Variants in ABCB11 observed in about 807,000 individuals in gnomAD.
ABCB11 encodes ATP binding cassette subfamily B member 11, also known as bile salt export pump.
A neutral mutation model predicts 148.0 loss-of-function variants in ABCB11; 95 were observed. The observed-to-expected ratio is 0.64, with a 90% CI of 0.54 to 0.76. The LOEUF is 0.76. ABCB11 is among the 30% of genes least tolerant of loss of function. The probability of loss-of-function intolerance (pLI) is 0.00; values close to 1 mark genes in which losing one functional copy is unlikely to be tolerated. For missense variants in ABCB11, 1,523 were observed against 1,617.8 expected, an observed-to-expected ratio of 0.94 and a Z score of 1.01; for synonymous variants, 591 against 555.4, an observed-to-expected ratio of 1.06 and a Z score of -0.90.
At chr2:168,946,362 C>CT (rs971538492) in intron 19 of ABCB11, among the ~76,000 whole-genome samples, 16 of 151,550 alleles carry the variant, frequency 1.1e-4, no homozygotes, top group South Asian at 6.2e-4. Context: ...TTAACAAATC[C>CT]TTTTTTTTGT....
At chr2:168,977,549 A>G (rs1250381042) in intron 11 of ABCB11, among the ~76,000 whole-genome samples, 1 of 152,208 alleles carries the variant, frequency 6.6e-6, no homozygotes, top group Non-Finnish European at 1.5e-5. Flanking sequence ...AGAACACTCC[A>G]GCATCATCTT....
intron 11 of ABCB11, among the ~76,000 whole-genome samples, chr2:168,978,342 C>T (rs896920716): frequency 1.3e-5 from 2 of 151,730 alleles, no homozygotes; most frequent in Non-Finnish European, 2.9e-5. Flanking sequence ...GACAGGGTTG[C>T]CCAGGCTTGT....
chr2:168,928,507 G>A (rs1691421445), intron 25 of ABCB11, among the ~76,000 whole-genome samples: 1 of 152,136 alleles, frequency 6.6e-6, no homozygotes, highest in Non-Finnish European at 1.5e-5. Flanking sequence ...TGCTTAAAAT[G>A]TTTGTAGAAA....
At chr2:168,984,491 G>A (rs1427994878) in intron 10 of ABCB11, among the ~76,000 whole-genome samples, 2 of 152,172 alleles carry the variant, frequency 1.3e-5, no homozygotes, top group Admixed American at 6.6e-5. Context: ...TTTAGCACAA[G>A]TGAGCAATAA....
At chr2:169,002,719 A>G (rs1473223277) in intron 5 of ABCB11, among the ~76,000 whole-genome samples, 1 of 152,164 alleles carries the variant, frequency 6.6e-6, no homozygotes, top group Non-Finnish European at 1.5e-5. Flanking sequence ...TAAATGTGAC[A>G]TCTAAAAAAT....
chr2:168,979,891 G>C lies in ABCB11; in HGVS notation c.1172C>G (p.Thr391Ser). The C allele has an allele frequency of 2.5e-6, 4 of 1,610,282 alleles. No individual in the cohort carries two copies. The highest frequency in any genetic ancestry group is 3.4e-6 in the Non-Finnish European group (4 of 1,177,548). The stretch of plus-strand genomic sequence containing the variant: ...CCTGTCTATTGTCTCAAAAATGCTG[G>C]TGGCTGCTGCACGTCCAGTTGCAAA... ...EAFATGRAAA[T>S]SIFETIDRKP... Residue 391 changes from threonine to serine, a missense_variant, in exon 11 of 28, where the codon ACC (threonine) becomes AGC (serine). Transcript: ENST00000650372.
At chr2:168,944,573 A>G in intron 21 of ABCB11, 32 bp downstream of exon 21, 2 of 1,557,312 alleles carry the variant, frequency 1.3e-6, no homozygotes, top group African/African-American at 2.7e-5. Flanking sequence ...CAATGCAGTT[A>G]ATATACTTCT....
At chr2:169,003,379 C>A (rs759608539) in intron 5 of ABCB11, among the ~76,000 whole-genome samples, 1 of 147,160 alleles carries the variant, frequency 6.8e-6, no homozygotes, top group Non-Finnish European at 1.5e-5. Flanking sequence ...CACACAAAAA[C>A]ATATTAAAAT....
chr2:169,011,370 T>C (rs1695182751), intron 5 of ABCB11, among the ~76,000 whole-genome samples: 1 of 152,198 alleles, frequency 6.6e-6, no homozygotes, highest in Admixed American at 6.5e-5. Context: ...AGCAGTTCAC[T>C]TCTGTCCTCC....
chr2:168,964,930 C>G (rs1693234833), intron 17 of ABCB11, among the ~76,000 whole-genome samples: 1 of 151,726 alleles, frequency 6.6e-6, no homozygotes, highest in South Asian at 2.1e-4. Context: ...CAAACCAATG[C>G]CAGGTGATGT....
At chr2:168,927,084 C>T (rs1179670350) in intron 26 of ABCB11, 72 bp downstream of exon 26, 2 of 1,410,660 alleles carry the variant, frequency 1.4e-6, no homozygotes, top group East Asian at 2.3e-5. Context: ...GATGCTCAAC[C>T]TGTACACTCT....
intron 17 of ABCB11, among the ~76,000 whole-genome samples, chr2:168,964,938 T>A (rs191909966): frequency 4.6e-5 from 7 of 151,946 alleles, no homozygotes; most frequent in Admixed American, 4.6e-4. Context: ...TGCCAGGTGA[T>A]GTTGGGGACA....
At chr2:168,931,839 T>A (rs1229148348) in intron 24 of ABCB11, among the ~76,000 whole-genome samples, 2 of 152,182 alleles carry the variant, frequency 1.3e-5, no homozygotes, top group Admixed American at 1.3e-4. Context: ...TTTACTTTAT[T>A]CCTTTGTATT....
At chr2:168,997,108 T>A (rs569249483) in intron 5 of ABCB11, among the ~76,000 whole-genome samples, 1 of 152,012 alleles carries the variant, frequency 6.6e-6, no homozygotes, top group Non-Finnish European at 1.5e-5. Context: ...CATGCAGTGA[T>A]AGAGCAATCA....
intron 14 of ABCB11, chr2:168,970,719 T>A: frequency 4.1e-6 from 1 of 241,738 alleles, no homozygotes; most frequent in East Asian, 1.1e-4. Flanking sequence ...TAATTAGGTG[T>A]TAGTGGTCAG....
At chr2:168,944,828 A>G (rs780323926) in intron 20 of ABCB11, 29 bp downstream of exon 20, 1 of 1,606,166 alleles carries the variant, frequency 6.2e-7, no homozygotes, top group South Asian at 1.1e-5. Context: ...AAATAACTAA[A>G]TCACTTACTG....
Position 168,995,409 on chromosome 2 carries a change from C to A in ABCB11, c.551G>T (p.Arg184Ile). 6.2e-7 allele frequency: 1 copy of A among 1,612,424 alleles called. No homozygotes were observed. Among genetic ancestry groups the A allele is most frequent in the Non-Finnish European group, 8.5e-7 (1 of 1,179,008 alleles). The change falls in exon 7 of 28, where the codon AGA becomes ATA. Residue 184 changes from arginine (R) to isoleucine (I), a missense_variant. Coordinates refer to ENST00000650372, the MANE Select transcript of ABCB11 (RefSeq NM_003742.4). ...MRKFYFRRIM[R>I]MEIGWFDCNS... ...GCAGTCAAACCACCCTATTTCCATT[C>A]TCATTATTCTCCTAAAGTAAAATTT... is the stretch of plus-strand genomic sequence containing the variant.
At chr2:169,011,627 T>G (rs1319815740) in intron 5 of ABCB11, among the ~76,000 whole-genome samples, 1 of 152,188 alleles carries the variant, frequency 6.6e-6, no homozygotes, top group Non-Finnish European at 1.5e-5. Context: ...TAAATGATCA[T>G]TGACTGAATG....
At chr2:168,925,371 G>A (rs1292869887) in intron 26 of ABCB11, among the ~76,000 whole-genome samples, 1 of 152,164 alleles carries the variant, frequency 6.6e-6, no homozygotes, top group Non-Finnish European at 1.5e-5. Context: ...TATTTATTGT[G>A]AGTTTTAGAG....
Sources: allele counts gnomAD v4.1 joint callset (sites outside exome capture counted in the v4.1 genomes callset), GRCh38; gene constraint gnomAD v4.1.1; transcripts MANE v1.5; gene names NCBI Gene and HGNC (gene_info 2026-07-23, HGNC 2026-07-21).